HS6ST3: variants seen among roughly 807,000 people sequenced by gnomAD.
HS6ST3 encodes the protein heparan-sulfate 6-O-sulfotransferase 3.
A neutral mutation model predicts 36.7 loss-of-function variants in HS6ST3; 12 were observed. The ratio of observed to expected loss-of-function variants is 0.33; its 90% CI spans 0.21 to 0.53. The LOEUF is 0.53. Among genes scored for constraint, HS6ST3 ranks in the 20% least tolerant of loss-of-function variants. HS6ST3 has a pLI of 0.95. For missense variants in HS6ST3, 584 were observed against 640.9 expected, an observed-to-expected ratio of 0.91 and a Z score of 0.96; for synonymous variants, 240 against 257.5, an observed-to-expected ratio of 0.93 and a Z score of 0.65.
At chr13:96,725,859 C>G (rs562608745) in intron 1 of HS6ST3, among the ~76,000 whole-genome samples, 2 of 151,936 alleles carry the variant, frequency 1.3e-5, no homozygotes, top group South Asian at 4.2e-4. Context: ...TTTTTTTAGA[C>G]AGAGTCTTGC....
At chr13:96,533,849 T>A (rs1469900463) in intron 1 of HS6ST3, among the ~76,000 whole-genome samples, 2 of 151,986 alleles carry the variant, frequency 1.3e-5, no homozygotes, top group Admixed American at 1.3e-4. Flanking sequence ...CCCCAGGGGG[T>A]CCAGAGATGA....
At chr13:96,638,552 C>G (rs2056557739) in intron 1 of HS6ST3, among the ~76,000 whole-genome samples, 1 of 151,744 alleles carries the variant, frequency 6.6e-6, no homozygotes, top group Non-Finnish European at 1.5e-5. Context: ...GGGCAGTTAC[C>G]CCTATGCTGC....
At chr13:96,636,278 C>T (rs2056549630) in intron 1 of HS6ST3, among the ~76,000 whole-genome samples, 1 of 152,104 alleles carries the variant, frequency 6.6e-6, no homozygotes, top group South Asian at 2.1e-4. Flanking sequence ...AGCAAACAGG[C>T]TCACATTTGT....
chr13:96,558,463 C>G (rs1307397320), intron 1 of HS6ST3, among the ~76,000 whole-genome samples: 1 of 152,190 alleles, frequency 6.6e-6, no homozygotes, highest in Non-Finnish European at 1.5e-5. Context: ...ACAGTTATCA[C>G]TGCTGGCTGC....
intron 1 of HS6ST3, among the ~76,000 whole-genome samples, chr13:96,344,020 G>A (rs971561893): frequency 3.3e-5 from 5 of 152,110 alleles, no homozygotes; most frequent in East Asian, 1.9e-4. Context: ...GGGATTACAG[G>A]CATGAACCAC....
At chr13:96,639,118 G>A (rs1277191099) in intron 1 of HS6ST3, among the ~76,000 whole-genome samples, 1 of 151,916 alleles carries the variant, frequency 6.6e-6, no homozygotes, top group Non-Finnish European at 1.5e-5. Context: ...ATCTATTATT[G>A]AAAGTGGGTC....
chr13:96,437,834 G>T (rs1044784827), intron 1 of HS6ST3, among the ~76,000 whole-genome samples: 1 of 152,156 alleles, frequency 6.6e-6, no homozygotes, highest in Non-Finnish European at 1.5e-5. Context: ...GGGGAATTTC[G>T]TTTTCTCAGT....
chr13:96,090,508 C>A lies in HS6ST3; in HGVS notation c.-355C>A, dbSNP rs1248775008. The stretch of plus-strand genomic sequence containing the variant: ...CCAGGACCCGAACCCCGCTCCCCAG[C>A]GCCTGAGCGCCTGCAAGCCGCCGGC... On this transcript the variant is annotated 5_prime_UTR_variant, in exon 1 of 2. Transcript: ENST00000376705. Among the ~76,000 whole-genome samples, 6 of 146,524 alleles carry A rather than the reference C, an allele frequency of 4.1e-5. No homozygotes were observed. The highest frequency in any genetic ancestry group is 3.4e-4 in the Admixed American group (5 of 14,766).
intron 1 of HS6ST3, among the ~76,000 whole-genome samples, chr13:96,095,863 GGTGTGT>G (rs141939376): frequency 0.01 from 1,423 of 140,388 alleles, 12 homozygotes; most frequent in South Asian, 0.046. Flanking sequence ...TTATATGACT[GGTGTGT>G]GTGTGTGTGT....
intron 1 of HS6ST3, among the ~76,000 whole-genome samples, chr13:96,742,128 C>T (rs2138485728): frequency 6.6e-6 from 1 of 152,140 alleles, no homozygotes; most frequent in African/African-American, 2.4e-5. Flanking sequence ...TTGAATGAAT[C>T]CTACATAATA....
chr13:96,658,798 C>T (rs1268834672), intron 1 of HS6ST3, among the ~76,000 whole-genome samples: 4 of 151,202 alleles, frequency 2.6e-5, no homozygotes, highest in Non-Finnish European at 5.9e-5. Flanking sequence ...CTCTGCCTCC[C>T]GGATTCAAGC....
At chr13:96,231,276 T>A (rs2054506738) in intron 1 of HS6ST3, among the ~76,000 whole-genome samples, 1 of 152,140 alleles carries the variant, frequency 6.6e-6, no homozygotes, top group Non-Finnish European at 1.5e-5. Context: ...AAATCCTGAA[T>A]TTGTGACACT....
chr13:96,460,138 A>G (rs924665379), intron 1 of HS6ST3, among the ~76,000 whole-genome samples: 1 of 152,176 alleles, frequency 6.6e-6, no homozygotes, highest in Non-Finnish European at 1.5e-5. Flanking sequence ...ACCAACTTCC[A>G]TGAAAGAGTG....
intron 1 of HS6ST3, among the ~76,000 whole-genome samples, chr13:96,205,089 T>C (rs534184284): frequency 7.8e-6 from 1 of 127,472 alleles, no homozygotes; most frequent in Admixed American, 9.0e-5. Flanking sequence ...GACTACTAGC[T>C]AGACTAATAA....
chr13:96,102,547 C>G (rs1252473353), intron 1 of HS6ST3, among the ~76,000 whole-genome samples: 1 of 152,162 alleles, frequency 6.6e-6, no homozygotes, highest in Non-Finnish European at 1.5e-5. Flanking sequence ...TAAATTCAGA[C>G]TGAGGCCTAA....
chr13:96,274,253 T>C (rs1457082005), intron 1 of HS6ST3, among the ~76,000 whole-genome samples: 1 of 151,858 alleles, frequency 6.6e-6, no homozygotes, highest in Non-Finnish European at 1.5e-5. Context: ...GACTTACACA[T>C]GTTCTCTGAA....
intron 1 of HS6ST3, among the ~76,000 whole-genome samples, chr13:96,747,467 A>G (rs1411964512): frequency 1.3e-5 from 2 of 152,290 alleles, no homozygotes; most frequent in East Asian, 3.9e-4. Context: ...CCATATGCTT[A>G]GCTAGAGATT....
At chr13:96,246,696 C>T (rs1372479699) in intron 1 of HS6ST3, among the ~76,000 whole-genome samples, 2 of 152,008 alleles carry the variant, frequency 1.3e-5, no homozygotes, top group Non-Finnish European at 2.9e-5. Flanking sequence ...CCCTTTCAAG[C>T]AAATGTAAGG....
At chr13:96,788,175 T>C (rs1877698803) in intron 1 of HS6ST3, among the ~76,000 whole-genome samples, 1 of 151,888 alleles carries the variant, frequency 6.6e-6, no homozygotes, top group Admixed American at 6.6e-5. Context: ...TCAGATAGTG[T>C]GAGTCCTCCA....
Sources: allele counts gnomAD v4.1 joint callset (sites outside exome capture counted in the v4.1 genomes callset), GRCh38; gene constraint gnomAD v4.1.1; transcripts MANE v1.5; gene names NCBI Gene and HGNC (gene_info 2026-07-23, HGNC 2026-07-21).